The following SHTN1 variants were observed in gnomAD, a reference collection of about 807,000 sequenced individuals.
SHTN1 encodes shootin 1.
SHTN1 carries 42 observed loss-of-function variants against 83.1 expected under a neutral mutation model. The observed-to-expected ratio is 0.51, with a 90% CI of 0.39 to 0.65. The LOEUF (loss-of-function observed/expected upper bound fraction) is 0.65. Among genes scored for constraint, SHTN1 ranks in the 30% least tolerant of loss-of-function variants. The probability of loss-of-function intolerance (pLI) is 0.00; values close to 1 mark genes in which losing one functional copy is unlikely to be tolerated. For missense variants in SHTN1, 622 were observed against 737.8 expected, an observed-to-expected ratio of 0.84 and a Z score of 1.82; for synonymous variants, 224 against 247.7, an observed-to-expected ratio of 0.90 and a Z score of 0.90.
chr10:116,944,340 T>A (rs1463176246), intron 8 of SHTN1, among the ~76,000 whole-genome samples: 2 of 152,256 alleles, frequency 1.3e-5, no homozygotes, highest in African/African-American at 2.4e-5. Context: ...ATCCACTTGG[T>A]CAGGTCTGTA....
At chr10:116,946,910 G>A (rs1849615573) in intron 7 of SHTN1, among the ~76,000 whole-genome samples, 1 of 151,608 alleles carries the variant, frequency 6.6e-6, no homozygotes, top group Admixed American at 6.6e-5. Flanking sequence ...CAGTAGAGAC[G>A]AGGTTTTACC....
intron 1 of SHTN1, among the ~76,000 whole-genome samples, chr10:117,084,268 G>C (rs978185125): frequency 3.1e-4 from 47 of 152,158 alleles, no homozygotes; most frequent in Non-Finnish European, 6.3e-4. Flanking sequence ...CTAACAGACA[G>C]GACCCTCAGC....
Position 116,934,777 on chromosome 10 carries a change from G to A in SHTN1, c.859-4775C>T, listed in dbSNP as rs545129137. ...CTCTGGGCAGTACAGCCATTTTCACGATATTGATTCTTCCTATCCATGAGT... is the reference window on the plus strand; with the variant it reads ...CTCTGGGCAGTACAGCCATTTTCACAATATTGATTCTTCCTATCCATGAGT... On this transcript the variant is annotated intron_variant, in intron 9 of 16. Coordinates refer to ENST00000355371, the MANE Select transcript of SHTN1 (RefSeq NM_001127211.3). Among the ~76,000 whole-genome samples the A allele has an allele frequency of 6.6e-5, 10 of 152,212 alleles. No homozygotes were observed. In the South Asian group the frequency reaches 8.3e-4, roughly 13 times the overall value.
upstream of SHTN1, among the ~76,000 whole-genome samples, chr10:117,007,043 A>G (rs1238071603): frequency 6.6e-6 from 1 of 152,094 alleles, no homozygotes; most frequent in Non-Finnish European, 1.5e-5. Flanking sequence ...TAAAATGTTT[A>G]AAGTTTAAAA....
intron 2 of SHTN1, among the ~76,000 whole-genome samples, chr10:117,037,435 T>C (rs1419248604): frequency 6.6e-6 from 1 of 152,204 alleles, no homozygotes; most frequent in Non-Finnish European, 1.5e-5. Flanking sequence ...AATGGAGAGA[T>C]ATTCCATGTG....
rs1291911667 is a variant in SHTN1, at chr10:117,042,710, G to A, written c.-123+5735C>T. 3.3e-5 allele frequency among the ~76,000 whole-genome samples: 5 copies of A among 152,070 alleles called. No homozygotes were observed. The East Asian group carries it at 9.7e-4, about 30-fold the overall frequency. ...GGCTCACTGCAACCTCCACCTCCCA[G>A]GTTCAAGCGATTCTCCTGTCTCAAG... On this transcript the variant is annotated intron_variant, in intron 2 of 17. Coordinates refer to the SHTN1 transcript ENST00000392901.
At chr10:117,125,053 A>G (rs1471712507) in intron 1 of SHTN1, among the ~76,000 whole-genome samples, 1 of 152,174 alleles carries the variant, frequency 6.6e-6, no homozygotes, top group Non-Finnish European at 1.5e-5. Flanking sequence ...CTCCTTACTC[A>G]GAACCTAGGG....
intron 1 of SHTN1, among the ~76,000 whole-genome samples, chr10:117,119,115 T>C (rs1459644062): frequency 6.6e-6 from 1 of 152,106 alleles, no homozygotes; most frequent in Non-Finnish European, 1.5e-5. Context: ...CATTCAAATG[T>C]GGAATCTAAG....
At chr10:117,122,222 T>C (rs1194071869) in intron 1 of SHTN1, among the ~76,000 whole-genome samples, 1 of 152,238 alleles carries the variant, frequency 6.6e-6, no homozygotes, top group East Asian at 1.9e-4. Context: ...TTACCCAGGC[T>C]GGAGTGCAGT....
At chr10:117,069,338 G>A (rs534152861) in intron 1 of SHTN1, among the ~76,000 whole-genome samples, 13 of 152,090 alleles carry the variant, frequency 8.5e-5, no homozygotes, top group South Asian at 2.1e-4. Flanking sequence ...GCTGAAGAAC[G>A]AGTGGGAAGT....
intron 2 of SHTN1, among the ~76,000 whole-genome samples, chr10:117,027,014 C>T (rs1311893739): frequency 6.6e-6 from 1 of 152,226 alleles, no homozygotes; most frequent in Non-Finnish European, 1.5e-5. Context: ...TCCCCTCCAG[C>T]TCCAGGTGGC....
Position 116,983,671 on chromosome 10 carries a change from GATAGATAGATAGATAAATAC to G in SHTN1, c.59-4383_59-4364del, listed in dbSNP as rs1205811212. 6.5e-5 allele frequency among the ~76,000 whole-genome samples: 4 copies of G among 61,652 alleles called. No homozygotes were observed. In the Admixed American group the frequency reaches 8.4e-4, roughly 13 times the overall value. 40.4% of individuals were successfully genotyped at this position (61,652 alleles called of 152,430 possible). On this transcript the variant is annotated intron_variant, in intron 1 of 16. Transcript: ENST00000355371. ...AGATAGATAGATAGATAGATAGATA[GATAGATAGATAGATAAATAC>G]ATACATACATACATACATACATACA... is the stretch of plus-strand genomic sequence containing the variant.
intron 12 of SHTN1, among the ~76,000 whole-genome samples, chr10:116,916,931 A>C (rs1227750448): frequency 6.6e-6 from 1 of 152,250 alleles, no homozygotes; most frequent in Admixed American, 6.5e-5. Context: ...TCAGATCCAG[A>C]AGTCAAAACA....
intron 1 of SHTN1, among the ~76,000 whole-genome samples, chr10:117,079,031 T>TC (rs397731782): frequency 2.6e-5 from 4 of 151,532 alleles, no homozygotes; most frequent in African/African-American, 9.7e-5. Context: ...GAATTTTTTT[T>TC]ATTTTTATTT....
chr10:117,061,386 C>T (rs987332109), intron 1 of SHTN1, among the ~76,000 whole-genome samples: 1 of 151,900 alleles, frequency 6.6e-6, no homozygotes, highest in Non-Finnish European at 1.5e-5. Context: ...TAAGTAGAGA[C>T]AGGGTTTCAC....
At chr10:116,900,594 C>T (rs1847696278) in intron 16 of SHTN1, 1 of 1,530,602 alleles carries the variant, frequency 6.5e-7, no homozygotes, top group Non-Finnish European at 8.7e-7. Context: ...AAGCATTTAT[C>T]AGAAACTAAC....
At chr10:116,965,490 CT>C (rs1850355882) in intron 3 of SHTN1, among the ~76,000 whole-genome samples, 1 of 152,216 alleles carries the variant, frequency 6.6e-6, no homozygotes, top group South Asian at 2.1e-4. Context: ...GCACTGCAGT[CT>C]GGGCAACAGA....
chr10:117,059,459 C>G (rs1460772319), intron 1 of SHTN1, among the ~76,000 whole-genome samples: 1 of 152,068 alleles, frequency 6.6e-6, no homozygotes, highest in Non-Finnish European at 1.5e-5. Context: ...AGCCAAAAAC[C>G]GAAAACAACA....
At chr10:117,056,918 C>T (rs1749033405) in intron 1 of SHTN1, among the ~76,000 whole-genome samples, 1 of 152,172 alleles carries the variant, frequency 6.6e-6, no homozygotes, top group Non-Finnish European at 1.5e-5. Context: ...AAAAATCCTA[C>T]AGATGAAAGA....
Sources: gnomAD v4.1 joint callset for allele counts (sites outside exome capture counted in the v4.1 genomes callset) on GRCh38, gnomAD v4.1.1 for gene constraint, MANE v1.5 for transcripts, NCBI Gene and HGNC (gene_info 2026-07-23, HGNC 2026-07-21) for gene names.